The following ZNF76 variants were observed in gnomAD, a reference collection of about 807,000 sequenced individuals.
ZNF76 encodes zinc finger protein 523.
ZNF76 carries 66 observed loss-of-function variants against 66.9 expected under a neutral mutation model. The ratio of observed to expected loss-of-function variants is 0.99; its 90% CI spans 0.81 to 1.21. The LOEUF (loss-of-function observed/expected upper bound fraction) is 1.21. Ranked by LOEUF, ZNF76 falls within the 50% of genes most tolerant of loss-of-function variation. The probability of loss-of-function intolerance (pLI) is 0.00; values close to 1 mark genes in which losing one functional copy is unlikely to be tolerated. For missense variants in ZNF76, 729 were observed against 760.3 expected (o/e 0.96, Z 0.48); for synonymous variants, 275 against 296.1 (o/e 0.93, Z 0.73).
intron 1 of ZNF76, among the ~76,000 whole-genome samples, chr6:35,280,088 C>G (rs1458989579): frequency 2.6e-5 from 4 of 151,950 alleles, no homozygotes; most frequent in Non-Finnish European, 4.4e-5. Flanking sequence ...GCCTCAGCCT[C>G]CCAAAGCACT....
chr6:35,286,430 G>T, intron 4 of ZNF76, 31 bp downstream of exon 4: 1 of 1,604,222 alleles, frequency 6.2e-7, no homozygotes, highest in Non-Finnish European at 8.5e-7. Context: ...ACTCGGGGAA[G>T]GATGGGAGGC....
At chr6:35,294,137 A>T in intron 12 of ZNF76, 3 of 612,586 alleles carry the variant, frequency 4.9e-6, no homozygotes, top group Non-Finnish European at 8.4e-6. Context: ...TTCAACCCTG[A>T]TTTGTTGTGC....
At chr6:35,291,025 A>G in intron 7 of ZNF76, 1 of 597,552 alleles carries the variant, frequency 1.7e-6, no homozygotes, top group East Asian at 2.8e-5. Flanking sequence ...CCCCTCTGTG[A>G]AACTAGTACC....
chr6:35,294,323 A>C (rs1352108936), intron 12 of ZNF76, 133 bp from the exon 13 acceptor site: 1 of 663,198 alleles, frequency 1.5e-6, no homozygotes, highest in East Asian at 2.7e-5. Flanking sequence ...CAGGCTAATT[A>C]ATCTGACCCA....
rs1020429456 is a variant in ZNF76 at position 35,289,361 on chromosome 6, G to A, written c.433-905G>A. ...CTACCCAGAAGCTGTTTAAGTGTCCGTGAAGCTCTCAGCTGCTTGAGCCTC... is the reference window on the plus strand; with the variant it reads ...CTACCCAGAAGCTGTTTAAGTGTCCATGAAGCTCTCAGCTGCTTGAGCCTC... On this transcript the variant is annotated intron_variant, in intron 5 of 13. Transcript: ENST00000373953. Among the ~76,000 whole-genome samples, 8 of 152,182 alleles carry A rather than the reference G, an allele frequency of 5.3e-5. No homozygotes were observed. In the South Asian group the frequency reaches 8.3e-4, roughly 16 times the overall value.
intron 2 of ZNF76, among the ~76,000 whole-genome samples, chr6:35,284,299 G>T (rs1408511426): frequency 6.6e-6 from 1 of 151,864 alleles, no homozygotes; most frequent in African/African-American, 2.4e-5. Flanking sequence ...TCATGATGTT[G>T]GCTAGACTGG....
In ZNF76 at chr6:35,287,519, A is replaced by G. The variant is rs755614800; in HGVS notation, c.233-127A>G. The G allele has an allele frequency of 1.2e-6, 1 of 832,386 alleles. No individual in the cohort carries two copies. The highest frequency in any genetic ancestry group is 1.8e-6 in the Non-Finnish European group (1 of 541,098). 51.6% of individuals were successfully genotyped at this position (832,386 alleles called of 1,614,324 possible). On this transcript the variant is annotated intron_variant, in intron 4 of 13. Transcript: ENST00000373953. This position sits in a 1 kb window ranked among gnomAD's most constrained non-coding sequence, Gnocchi z 4.0. ...CCAGCAAGAGTGAATCACAAAGTGA[A>G]GGGCCATGAGAAATTGGATGTTGAA...
chr6:35,276,719 G>A (rs1242789034), intron 1 of ZNF76, among the ~76,000 whole-genome samples: 1 of 151,934 alleles, frequency 6.6e-6, no homozygotes, highest in Non-Finnish European at 1.5e-5. Flanking sequence ...GGCCCAGGGA[G>A]TCTGAGGATA....
intron 1 of ZNF76, among the ~76,000 whole-genome samples, chr6:35,263,846 G>A (rs1357903536): frequency 1.3e-5 from 2 of 152,144 alleles, no homozygotes; most frequent in Non-Finnish European, 2.9e-5. Flanking sequence ...CTCCTCCTGA[G>A]TTCAAGTGAT....
intron 1 of ZNF76, among the ~76,000 whole-genome samples, chr6:35,274,437 C>A (rs1401266110): frequency 6.6e-6 from 1 of 152,154 alleles, no homozygotes; most frequent in African/African-American, 2.4e-5. Flanking sequence ...TAGGTCTCAA[C>A]CATGATAAAG....
In ZNF76 at chr6:35,287,421, A is replaced by G. The variant is rs781130590; in HGVS notation, c.233-225A>G. ...ATGATGGGCCCCTGTCAGGTCCTCA[A>G]GGAGCTTGTGAGTTCCCATTTAGTG... is the stretch of plus-strand genomic sequence containing the variant. On this transcript the variant is annotated intron_variant, in intron 4 of 13. Coordinates refer to ENST00000373953, the MANE Select transcript of ZNF76 (RefSeq NM_003427.5). This position sits in a 1 kb window ranked among gnomAD's most constrained non-coding sequence, Gnocchi z 4.0. Among the ~76,000 whole-genome samples the G allele has an allele frequency of 5.3e-5, 8 of 152,142 alleles. No homozygotes were observed. The highest frequency in any genetic ancestry group is 1.9e-4 in the East Asian group (1 of 5,192).
intron 6 of ZNF76, 119 bp downstream of exon 6, chr6:35,290,501 G>C: frequency 2.0e-6 from 3 of 1,527,494 alleles, no homozygotes; most frequent in Non-Finnish European, 2.7e-6. Context: ...GAAGAAATGA[G>C]GGTACACAGG....
At chr6:35,282,070 G>A (rs1422109806) in intron 2 of ZNF76, among the ~76,000 whole-genome samples, 2 of 152,060 alleles carry the variant, frequency 1.3e-5, no homozygotes, top group African/African-American at 2.4e-5. Flanking sequence ...TGAATTGGAC[G>A]TAACAATGAA....
chr6:35,266,675 C>T (rs1786136151), intron 1 of ZNF76, among the ~76,000 whole-genome samples: 1 of 152,050 alleles, frequency 6.6e-6, no homozygotes. Flanking sequence ...CACTGGTGGT[C>T]AGGTGTTAGG....
intron 7 of ZNF76, 95 bp from the exon 8 acceptor site, chr6:35,291,183 C>G: frequency 6.7e-7 from 1 of 1,498,866 alleles, no homozygotes; most frequent in Admixed American, 2.1e-5. Context: ...GCTTCTTGAG[C>G]CAAAGGAGGT....
chr6:35,279,018 C>T (rs1788345092), intron 1 of ZNF76, among the ~76,000 whole-genome samples: 1 of 152,190 alleles, frequency 6.6e-6, no homozygotes, highest in African/African-American at 2.4e-5. Flanking sequence ...AAGGTGGTAC[C>T]TAGGCTGTGG....
rs1158994532 is a variant in ZNF76, at chr6:35,292,974, A to T, written c.1259A>T (p.Gln420Leu). 1 of 1,614,114 alleles carries T rather than the reference A, an allele frequency of 6.2e-7. No homozygotes were observed. The highest frequency in any genetic ancestry group is 1.3e-5 in the African/African-American group (1 of 74,944). Residue 420 changes from glutamine to leucine, a missense_variant, in exon 11 of 14, where the codon CAG becomes CTG. Physicochemically the swap from Gln to Leu is moderately radical, Grantham distance 113. Coordinates refer to ENST00000373953, the MANE Select transcript of ZNF76 (RefSeq NM_003427.5). This position sits in a 1 kb window ranked among gnomAD's most constrained non-coding sequence, Gnocchi z 4.7. ...GAAGAGAGAGATGACATCCCAGCCCAGGTGGCGATGGTGACTGAAGAAGAT... is the reference window on the plus strand; with the variant it reads ...GAAGAGAGAGATGACATCCCAGCCCTGGTGGCGATGGTGACTGAAGAAGAT... ...VKEERDDIPAQVAMVTEEDGA... is the reference protein window; with the variant it reads ...VKEERDDIPALVAMVTEEDGA...
At chr6:35,294,042 T>C in intron 12 of ZNF76, 127 bp downstream of exon 12, 1 of 1,167,504 alleles carries the variant, frequency 8.6e-7, no homozygotes, top group East Asian at 2.6e-5. Context: ...AAAGAAGGGG[T>C]CTTCCCCACA....
rs773726070 is a variant in ZNF76 at position 35,291,715 on chromosome 6, G to T, written c.909G>T (p.Lys303Asn). 1.9e-6 allele frequency: 3 copies of T among 1,610,732 alleles called. No individual in the cohort carries two copies. Among genetic ancestry groups the T allele is most frequent in the Non-Finnish European group, 2.5e-6 (3 of 1,180,006 alleles). The change falls in exon 9 of 14, where the codon AAG (lysine) becomes AAT (asparagine). Residue 303 changes from lysine (K) to asparagine (N), a missense_variant. By Grantham distance (94) the Lys-to-Asn change is moderately conservative (BLOSUM62 0). Transcript: ENST00000373953. ...GRGFTSATNY[K>N]NHVRIHTGEK... ...GCTTCACCAGCGCCACCAACTATAA[G>T]AATCACGTGCGCATCCACACAGGTG...
Sources: allele counts gnomAD v4.1 joint callset (sites outside exome capture counted in the v4.1 genomes callset), GRCh38; gene constraint gnomAD v4.1.1; non-coding constraint Gnocchi (gnomAD v3.1); transcripts MANE v1.5; gene names NCBI Gene and HGNC (gene_info 2026-07-23, HGNC 2026-07-21).